The following PLCB2 variants were observed in gnomAD, a reference collection of about 807,000 sequenced individuals.
PLCB2 encodes the protein phospholipase C beta 2, also known as 1-phosphatidylinositol 4,5-bisphosphate phosphodiesterase beta-2.
In PLCB2, 115 loss-of-function variants were observed where a neutral mutation model predicts 141.7. The observed-to-expected ratio is 0.81, with a 90% CI of 0.70 to 0.95. PLCB2 has a LOEUF of 0.95. Among genes scored for constraint, PLCB2 ranks in the 40% least tolerant of loss-of-function variants. The pLI is 0.00. For synonymous variants in PLCB2, 603 were observed against 595.6 expected (o/e 1.01, Z -0.18); for missense variants, 1,403 against 1,541.1 (o/e 0.91, Z 1.50).
chr15:40,284,420 T>G, downstream of PLCB2: 1 of 426,470 alleles, frequency 2.3e-6, no homozygotes, highest in South Asian at 1.6e-5. Flanking sequence ...AGGGCTGAAT[T>G]CTTCTGCTAA....
intron 24 of PLCB2, 53 bp downstream of exon 24, chr15:40,291,796 G>A: frequency 2.5e-6 from 4 of 1,613,146 alleles, no homozygotes; most frequent in Non-Finnish European, 3.4e-6. Flanking sequence ...GGAAGTGCCT[G>A]TGGGTGCAGA....
rs771438598 is a variant in PLCB2, at chr15:40,297,850, T to A, written c.1238+27A>T. The A allele has an allele frequency of 6.4e-7, 1 of 1,571,636 alleles. No homozygotes were observed. Among genetic ancestry groups the A allele is most frequent in the South Asian group, 1.1e-5 (1 of 90,040 alleles). ...CAGGAGACTGGGGGCTGGGTGAGAA[T>A]GTGGCTGAATGGGCCTGGATACGCA... On this transcript the variant is annotated intron_variant, in intron 12 of 31. Transcript: ENST00000260402. This position sits in a 1 kb window ranked among gnomAD's most constrained non-coding sequence, Gnocchi z 4.2.
rs745798841 is a variant in PLCB2 at position 40,298,587 on chromosome 15, G to A, written c.972C>T (p.Asn324=). The change falls in exon 10 of 32, where the codon AAC becomes AAT. Residue 324 remains asparagine (N), a synonymous_variant. Transcript: ENST00000260402. ...CTGTCAGGTAGGTGTTGTGGGACGAGTTGATGAAGTAATGATTGAGTGGCT... is the reference window on the plus strand; with the variant it reads ...CTGTCAGGTAGGTGTTGTGGGACGAATTGATGAAGTAATGATTGAGTGGCT... ...MTQPLNHYFI[N]SSHNTYLTAG... is the part of the protein sequence containing the mutation. The A allele has an allele frequency of 1.2e-6, 2 of 1,614,250 alleles. No individual in the cohort carries two copies. Among genetic ancestry groups the A allele is most frequent in the South Asian group, 2.2e-5 (2 of 91,090 alleles).
chr15:40,307,186 G>T (rs2040839345), intron 1 of PLCB2, among the ~76,000 whole-genome samples: 1 of 152,182 alleles, frequency 6.6e-6, no homozygotes, highest in African/African-American at 2.4e-5. Context: ...AAGGAGCTGG[G>T]TCTGAGCGCC....
intron 1 of PLCB2, among the ~76,000 whole-genome samples, chr15:40,307,113 C>T (rs1201367262): frequency 6.6e-6 from 1 of 152,180 alleles, no homozygotes; most frequent in Non-Finnish European, 1.5e-5. Context: ...TGTGGCTGCC[C>T]CCACAGCAGC....
At chr15:40,303,752 C>A in intron 2 of PLCB2, 2 of 522,160 alleles carry the variant, frequency 3.8e-6, no homozygotes, top group South Asian at 2.4e-5. Context: ...AGCAGCAGTG[C>A]TTTCGCCTGT....
At position 40,291,228 on chromosome 15, in the gene PLCB2, C is replaced by T. The variant is rs1268590667; in HGVS notation, c.2870+37G>A. 2.5e-6 allele frequency: 4 copies of T among 1,570,274 alleles called. No homozygotes were observed. The African/African-American group carries it at 4.0e-5, about 16-fold the overall frequency. ...ACAGGCCCTGAGATCCTGCGCCACCCGCGCTGCAGAGGGCAGGGCACCGCC... is the reference window on the plus strand; with the variant it reads ...ACAGGCCCTGAGATCCTGCGCCACCTGCGCTGCAGAGGGCAGGGCACCGCC... On this transcript the variant is annotated intron_variant, in intron 26 of 31. Coordinates refer to ENST00000260402, the MANE Select transcript of PLCB2 (RefSeq NM_004573.3).
chr15:40,292,321 C>A lies in PLCB2; in HGVS notation c.2431+18G>T, dbSNP rs761951693. 2 of 1,580,774 alleles carry A rather than the reference C, an allele frequency of 1.3e-6. No individual in the cohort carries two copies. The highest frequency in any genetic ancestry group is 1.7e-6 in the Non-Finnish European group (2 of 1,151,610). ...GGAACAGACACCCCGAGGCTCCTGGCATGCCATGGGCTCCTACCTGCCCAA... is the reference window on the plus strand; with the variant it reads ...GGAACAGACACCCCGAGGCTCCTGGAATGCCATGGGCTCCTACCTGCCCAA... On this transcript the variant is annotated intron_variant, in intron 22 of 31. Transcript: ENST00000260402.
chr15:40,292,295 G>T, intron 22 of PLCB2, 44 bp downstream of exon 22: 1 of 1,532,070 alleles, frequency 6.5e-7, no homozygotes, highest in Non-Finnish European at 9.0e-7. Context: ...GGAAGGAAGG[G>T]GGAACAGACA....
intron 7 of PLCB2, among the ~76,000 whole-genome samples, chr15:40,300,334 C>T (rs2040441553): frequency 6.6e-6 from 1 of 152,056 alleles, no homozygotes; most frequent in African/African-American, 2.4e-5. Flanking sequence ...TAAATAAATC[C>T]CTACACAATG....
At position 40,297,852 on chromosome 15, in the gene PLCB2, T is replaced by C; in HGVS notation, c.1238+25A>G. On this transcript the variant is annotated intron_variant, in intron 12 of 31. Transcript: ENST00000260402. The surrounding 1 kb of genome is among the most constrained non-coding windows in gnomAD (Gnocchi z 4.2). Reference sequence around the variant, plus strand: ...GGAGACTGGGGGCTGGGTGAGAATGTGGCTGAATGGGCCTGGATACGCACG... The same window carrying C: ...GGAGACTGGGGGCTGGGTGAGAATGCGGCTGAATGGGCCTGGATACGCACG... 1 of 1,578,814 alleles carries C rather than the reference T, an allele frequency of 6.3e-7. No individual in the cohort carries two copies. The highest frequency in any genetic ancestry group is 8.7e-7 in the Non-Finnish European group (1 of 1,148,402).
chr15:40,285,059 G>C (rs1259956253), downstream of PLCB2, among the ~76,000 whole-genome samples: 2 of 152,064 alleles, frequency 1.3e-5, no homozygotes, highest in Non-Finnish European at 2.9e-5. Context: ...GCATAGATAG[G>C]CGTGGCAAAG....
chr15:40,290,247 C>A (rs1267436044), intron 29 of PLCB2, among the ~76,000 whole-genome samples, 165 bp from the exon 30 acceptor site: 2 of 152,052 alleles, frequency 1.3e-5, no homozygotes, highest in Non-Finnish European at 2.9e-5. Context: ...CACTGGGAGT[C>A]CTGGGGCCCT....
In PLCB2 at chr15:40,298,311, A is replaced by G. The variant is rs2040337238; in HGVS notation, c.1067T>C (p.Val356Ala). The change falls in exon 11 of 32, where the codon GTG becomes GCG. Residue 356 changes from valine (V) to alanine (A), a missense_variant. Transcript: ENST00000260402. The part of the protein sequence containing the change: ...RQVLLSGCRC[V>A]ELDCWKGKPP... ...TTTCCCCTTCCAGCAGTCTAGCTCC[A>G]CGCAACGGCAGCCAGAGAGCAGCAC... 2 of 1,607,776 alleles carry G rather than the reference A, an allele frequency of 1.2e-6. No homozygotes were observed. The highest frequency in any genetic ancestry group is 8.5e-7 in the Non-Finnish European group (1 of 1,175,804).
rs763346372 is a variant in PLCB2 at position 40,297,846 on chromosome 15, A to G, written c.1238+31T>C. The G allele has an allele frequency of 7.1e-6, 11 of 1,555,972 alleles. No individual in the cohort carries two copies. In the East Asian group the frequency reaches 2.5e-4, roughly 35 times the overall value. On this transcript the variant is annotated intron_variant, in intron 12 of 31. Transcript: ENST00000260402. This position sits in a 1 kb window ranked among gnomAD's most constrained non-coding sequence, Gnocchi z 4.2. ...CAGACAGGAGACTGGGGGCTGGGTGAGAATGTGGCTGAATGGGCCTGGATA... is the reference window on the plus strand; with the variant it reads ...CAGACAGGAGACTGGGGGCTGGGTGGGAATGTGGCTGAATGGGCCTGGATA...
chr15:40,288,142 C>T lies in PLCB2; in HGVS notation c.*573G>A. 1 of 985,542 alleles carries T rather than the reference C, an allele frequency of 1.0e-6. No individual in the cohort carries two copies. Among genetic ancestry groups the T allele is most frequent in the Non-Finnish European group, 1.2e-6 (1 of 830,020 alleles). The allele number at this position is 985,542 out of a possible 1,614,324, so 61.0% of individuals were successfully genotyped here. A position where few individuals can be genotyped will look rare whatever the true frequency, so the allele number is the denominator to read the frequency against. Reference sequence around the variant, plus strand: ...CCAAGCAGGGCCAAGGCAGCTTTTCCATTTCAGCCTCCCGTTCCGGACAGG... The same window carrying T: ...CCAAGCAGGGCCAAGGCAGCTTTTCTATTTCAGCCTCCCGTTCCGGACAGG... On this transcript the variant is annotated 3_prime_UTR_variant, in exon 32 of 32. Coordinates refer to ENST00000260402, the MANE Select transcript of PLCB2 (RefSeq NM_004573.3).
chr15:40,298,827 T>A lies in PLCB2; in HGVS notation c.821A>T (p.Tyr274Phe). 6.2e-7 allele frequency: 1 copy of A among 1,613,824 alleles called. No homozygotes were observed. Among genetic ancestry groups the A allele is most frequent in the South Asian group, 1.1e-5 (1 of 91,056 alleles). The stretch of plus-strand genomic sequence containing the variant: ...CTGTGCATTGATGCCACTGGGCTCA[T>A]ACTTGTCGATGAGGCCCTGCACCTG... ...PDQVQGLIDK[Y>F]EPSGINAQRG... Residue 274 changes from tyrosine to phenylalanine, a missense_variant, in exon 9 of 32, where the codon TAT becomes TTT. By Grantham distance (22) the Tyr-to-Phe change is conservative (BLOSUM62 3). This residue lies in a region of PLCB2 where 975 missense variants were observed against 1,141.1 expected (regional missense o/e 0.85). Coordinates refer to ENST00000260402, the MANE Select transcript of PLCB2 (RefSeq NM_004573.3).
In PLCB2 at chr15:40,290,561, C is replaced by T. The variant is rs367672248; in HGVS notation, c.3209+16G>A. ...GTGGGGTCTGCCCAGCCCTGGGCCTCCCCTCCAGGGCTCACCTCTCCTGGG... is the reference window on the plus strand; with the variant it reads ...GTGGGGTCTGCCCAGCCCTGGGCCTTCCCTCCAGGGCTCACCTCTCCTGGG... On this transcript the variant is annotated intron_variant, in intron 29 of 31. Transcript: ENST00000260402. The T allele has an allele frequency of 8.2e-6, 13 of 1,593,126 alleles. No individual in the cohort carries two copies. Among genetic ancestry groups the T allele is most frequent in the African/African-American group, 1.3e-5 (1 of 74,478 alleles).
chr15:40,285,684 C>T (rs956467913), downstream of PLCB2: 1 of 985,356 alleles, frequency 1.0e-6, no homozygotes, highest in African/African-American at 1.7e-5. Flanking sequence ...GACTCAACTT[C>T]TCTTTTCAGC....
Sources: gnomAD v4.1 joint callset for allele counts (sites outside exome capture counted in the v4.1 genomes callset) on GRCh38, gnomAD v4.1.1 for gene constraint, gnomAD v4.1.1 regional missense constraint, Gnocchi (gnomAD v3.1) non-coding constraint, MANE v1.5 for transcripts, NCBI Gene and HGNC (gene_info 2026-07-23, HGNC 2026-07-21) for gene names.